The following SEMA3E variants were observed in gnomAD, a reference collection of about 807,000 sequenced individuals.
SEMA3E encodes semaphorin 3E.
In SEMA3E, 49 loss-of-function variants were observed where a neutral mutation model predicts 93.6. The ratio of observed to expected loss-of-function variants is 0.52; its 90% CI spans 0.42 to 0.66. The LOEUF is 0.66. SEMA3E is among the 30% of genes least tolerant of loss of function. The pLI, the probability that SEMA3E is intolerant of heterozygous loss-of-function variation, is 0.00. For synonymous variants in SEMA3E, 363 were observed against 330.7 expected, an observed-to-expected ratio of 1.10 and a Z score of -1.06; for missense variants, 906 against 964.8, an observed-to-expected ratio of 0.94 and a Z score of 0.81.
In SEMA3E at chr7:83,407,107, C is replaced by T. The variant is rs748042802; in HGVS notation, c.803G>A (p.Arg268Gln). 1.9e-6 allele frequency: 3 copies of T among 1,613,454 alleles called. No individual in the cohort carries two copies. The highest frequency in any genetic ancestry group is 2.2e-5 in the East Asian group (1 of 44,818). ...NAHAIYTRVG[R>Q]LCVNDVGGQR... ...GAGAGAAAGCCTCACCACACAGAGT[C>T]GCCCGACCCTGGTGTAAATTGCGTG... Residue 268 changes from arginine to glutamine, a missense_variant, in exon 7 of 17, where the codon CGA becomes CAA. By Grantham distance (43) the Arg-to-Gln change is conservative (BLOSUM62 1). Transcript: ENST00000643230.
intron 16 of SEMA3E, among the ~76,000 whole-genome samples, chr7:83,368,250 A>G (rs1794704005): frequency 6.6e-6 from 1 of 151,708 alleles, no homozygotes; most frequent in South Asian, 2.1e-4. Flanking sequence ...TTCTGAAGAT[A>G]TTTACATTGG....
intron 1 of SEMA3E, among the ~76,000 whole-genome samples, chr7:83,581,801 G>A (rs6966242): frequency 0.17 from 25,379 of 151,782 alleles, 2,815 homozygotes; most frequent in African/African-American, 0.31. Flanking sequence ...GAAACAATCT[G>A]TCAGAGTGTA....
chr7:83,602,107 T>G (rs215325), intron 1 of SEMA3E, among the ~76,000 whole-genome samples: 3,445 of 152,282 alleles, frequency 0.023, 126 homozygotes, highest in African/African-American at 0.078. Flanking sequence ...TGGAGACGAT[T>G]CCTGTATGCT....
chr7:83,553,508 T>A (rs952114080), intron 1 of SEMA3E, among the ~76,000 whole-genome samples: 1 of 152,178 alleles, frequency 6.6e-6, no homozygotes, highest in African/African-American at 2.4e-5. Flanking sequence ...GTTAATTTCC[T>A]CAGGGCTAGT....
intron 1 of SEMA3E, among the ~76,000 whole-genome samples, chr7:83,611,356 GTAAATTTATATATTATATATA>G (rs1182846388): frequency 2.9e-5 from 4 of 139,856 alleles, no homozygotes; most frequent in East Asian, 2.0e-4. Context: ...TAATATATGT[GTAAATTTATATATTATATATA>G]TAAATTTATA....
intron 1 of SEMA3E, among the ~76,000 whole-genome samples, chr7:83,520,641 G>A (rs1400451252): frequency 6.6e-6 from 1 of 152,120 alleles, no homozygotes; most frequent in Non-Finnish European, 1.5e-5. Flanking sequence ...AGTTACTAGA[G>A]TGCCAACATA....
At chr7:83,441,063 AG>A (rs1789103988) in intron 4 of SEMA3E, among the ~76,000 whole-genome samples, 1 of 152,180 alleles carries the variant, frequency 6.6e-6, no homozygotes, top group Non-Finnish European at 1.5e-5. Flanking sequence ...GCAGAGACAT[AG>A]TGAGATTAAA....
intron 1 of SEMA3E, among the ~76,000 whole-genome samples, chr7:83,580,894 G>C (rs1792506296): frequency 6.6e-6 from 1 of 151,796 alleles, no homozygotes; most frequent in Non-Finnish European, 1.5e-5. Flanking sequence ...GATTATCATA[G>C]CTATTAATAT....
intron 1 of SEMA3E, among the ~76,000 whole-genome samples, chr7:83,545,552 G>GAAAAAAAAAAAAAA (rs3068645): frequency 1.2e-5 from 1 of 86,454 alleles, no homozygotes; most frequent in African/African-American, 5.0e-5. Context: ...GAAGAGAAAT[G>GAAAAAAAAAAAAAA]AAAAAAAAAA....
At chr7:83,529,298 CT>C (rs1791233167) in intron 1 of SEMA3E, among the ~76,000 whole-genome samples, 1 of 152,048 alleles carries the variant, frequency 6.6e-6, no homozygotes, top group African/African-American at 2.4e-5. Context: ...TACATTTGTC[CT>C]AGTTTGCCCA....
At chr7:83,470,241 G>A (rs1184976161) in intron 2 of SEMA3E, among the ~76,000 whole-genome samples, 1 of 151,952 alleles carries the variant, frequency 6.6e-6, no homozygotes, top group East Asian at 1.9e-4. Context: ...ATAGTATCTA[G>A]CACTTTCCTG....
At chr7:83,494,285 C>G (rs1008358742) in intron 1 of SEMA3E, among the ~76,000 whole-genome samples, 2 of 144,872 alleles carry the variant, frequency 1.4e-5, no homozygotes, top group Admixed American at 1.4e-4. Context: ...CATTGTAACA[C>G]AAGAAAAAAA....
chr7:83,611,247 A>T (rs1001607424), intron 1 of SEMA3E, among the ~76,000 whole-genome samples: 2 of 144,384 alleles, frequency 1.4e-5, no homozygotes, highest in Non-Finnish European at 3.0e-5. Flanking sequence ...CACTCCATAT[A>T]TATTTATATA....
rs187483010 is a variant in SEMA3E at position 83,504,695 on chromosome 7, T to C, written c.116-14421A>G. 1.5e-4 allele frequency among the ~76,000 whole-genome samples: 23 copies of C among 152,262 alleles called. No individual in the cohort carries two copies. The East Asian group carries it at 2.7e-3, about 18-fold the overall frequency. Reference sequence around the variant, plus strand: ...TCTGGCAATTATCAGTTAGTATTGATTTACTATCCAGAAATCCCTGTTGTT... The same window carrying C: ...TCTGGCAATTATCAGTTAGTATTGACTTACTATCCAGAAATCCCTGTTGTT... On this transcript the variant is annotated intron_variant, in intron 1 of 16. Transcript: ENST00000643230.
intron 13 of SEMA3E, among the ~76,000 whole-genome samples, chr7:83,393,431 C>T (rs922244918): frequency 3.3e-5 from 5 of 151,984 alleles, no homozygotes; most frequent in Non-Finnish European, 5.9e-5. Flanking sequence ...ACGAGGCTGA[C>T]ACAGAAGGAT....
At chr7:83,524,645 A>C (rs904975810) in intron 1 of SEMA3E, among the ~76,000 whole-genome samples, 4 of 152,154 alleles carry the variant, frequency 2.6e-5, no homozygotes, top group Non-Finnish European at 4.4e-5. Context: ...ACATGATATA[A>C]ATATGGCTTT....
At chr7:83,644,981 AC>A (rs1794060808) in intron 1 of SEMA3E, among the ~76,000 whole-genome samples, 1 of 151,672 alleles carries the variant, frequency 6.6e-6, no homozygotes, top group South Asian at 2.1e-4. Context: ...TCAAACACCT[AC>A]CCCTGTCTGC....
At chr7:83,500,590 CTTTTT>C (rs371350850) in intron 1 of SEMA3E, among the ~76,000 whole-genome samples, 3 of 100,616 alleles carry the variant, frequency 3.0e-5, no homozygotes, top group Non-Finnish European at 5.6e-5. Context: ...AACTTTCTTC[CTTTTT>C]TTTTTTTTTT....
chr7:83,418,440 C>A lies in SEMA3E; in HGVS notation c.500G>T (p.Arg167Met). 6.2e-7 allele frequency: 1 copy of A among 1,612,002 alleles called. No individual in the cohort carries two copies. Among genetic ancestry groups the A allele is most frequent in the Non-Finnish European group, 8.5e-7 (1 of 1,179,052 alleles). ...HLESPRSERGRGRCPFDPSSS... is the reference protein window; with the variant it reads ...HLESPRSERGMGRCPFDPSSS... ...GCTGGGGTCAAAAGGACATCTGCCC[C>A]TTCCTCTCTCAGATCTGGGTGATTC... is the stretch of plus-strand genomic sequence containing the variant. Residue 167 changes from arginine to methionine, a missense_variant, in exon 5 of 17, where the codon AGG (arginine) becomes ATG (methionine). By Grantham distance (91) the Arg-to-Met change is moderately conservative. Coordinates refer to ENST00000643230, the MANE Select transcript of SEMA3E (RefSeq NM_012431.3).
Sources: allele counts gnomAD v4.1 joint callset (sites outside exome capture counted in the v4.1 genomes callset), GRCh38; gene constraint gnomAD v4.1.1; transcripts MANE v1.5; gene names NCBI Gene and HGNC (gene_info 2026-07-23, HGNC 2026-07-21).